Variants in SRPX observed in about 807,000 individuals in gnomAD.
SRPX encodes sushi repeat-containing protein SRPX.
SRPX carries 24 observed loss-of-function variants against 38.1 expected under a neutral mutation model. The ratio of observed to expected loss-of-function variants is 0.63; its 90% confidence interval spans 0.46 to 0.89. The LOEUF (loss-of-function observed/expected upper bound fraction) is 0.89. Among genes scored for constraint, SRPX ranks in the 40% least tolerant of loss-of-function variants. The pLI is 0.00. For missense variants in SRPX, 416 were observed against 377.8 expected, an observed-to-expected ratio of 1.10 and a Z score of -0.84; for synonymous variants, 184 against 153.8, an observed-to-expected ratio of 1.20 and a Z score of -1.45.
intron 1 of SRPX, among the ~76,000 whole-genome samples, chrX:38,188,383 C>T (rs1167096388): frequency 8.9e-6 from 1 of 112,202 alleles, no homozygotes; most frequent in African/African-American, 3.2e-5. Context: ...GCGATACCAA[C>T]CATCAACTAA....
chrX:38,220,818 G>C lies in SRPX; in HGVS notation c.-26C>G, dbSNP rs1449356915. 6 of 1,073,673 alleles carry C rather than the reference G, an allele frequency of 5.6e-6. No homozygotes were observed. Among genetic ancestry groups the C allele is most frequent in the African/African-American group, 3.9e-5 (2 of 50,869 alleles). The allele number at this position is 1,073,673 out of a possible 1,213,427, so 88.5% of individuals were successfully genotyped here. A position where few individuals can be genotyped will look rare whatever the true frequency, so the allele number is the denominator to read the frequency against. On this transcript the variant is annotated 5_prime_UTR_variant, in exon 1 of 10. Transcript: ENST00000378533. ...GGCGAGCGGGCGCTTAGCTCGCCTC[G>C]GCAGCGCAGCGCGCTTCCCGGGGGC...
intron 1 of SRPX, among the ~76,000 whole-genome samples, chrX:38,213,658 C>A (rs911743335): frequency 2.7e-5 from 3 of 111,709 alleles, no homozygotes; most frequent in Middle Eastern, 4.6e-3. Context: ...ATACTTGAGA[C>A]TGGGTAATTT....
intron 1 of SRPX, among the ~76,000 whole-genome samples, chrX:38,186,925 C>T (rs912411355): frequency 1.2e-4 from 13 of 111,444 alleles, no homozygotes; most frequent in Non-Finnish European, 2.3e-4. Context: ...TCTTGCTTCC[C>T]TTCCTCAATT....
intron 1 of SRPX, among the ~76,000 whole-genome samples, chrX:38,183,906 C>T (rs951463271): frequency 9.0e-6 from 1 of 111,451 alleles, no homozygotes. Context: ...TATAATTTTG[C>T]TCTCCTTGCA....
rs187120929 is a variant in SRPX, at chrX:38,158,706, C to T, written c.955+1311G>A. On this transcript the variant is annotated intron_variant, in intron 7 of 9. Transcript: ENST00000378533. ...ATTAAAAAAGTGTAAAGAGACCGGG[C>T]GCAGTGTCTCACATCTGTAATCCCA... Among the ~76,000 whole-genome samples, 91 of 111,660 alleles carry T rather than the reference C, an allele frequency of 8.1e-4. No homozygotes were observed. The East Asian group carries it at 0.021, about 26-fold the overall frequency.
At chrX:38,193,638 A>G (rs956809382) in intron 1 of SRPX, among the ~76,000 whole-genome samples, 1 of 112,330 alleles carries the variant, frequency 8.9e-6, no homozygotes, top group African/African-American at 3.2e-5. Flanking sequence ...TCATTGTAAA[A>G]TCTTGAACAA....
At position 38,160,027 on chromosome X, in the gene SRPX, G is replaced by A; in HGVS notation, c.945C>T (p.Pro315=). 1 of 1,210,394 alleles carries A rather than the reference G, an allele frequency of 8.3e-7. No individual in the cohort carries two copies. Among genetic ancestry groups the A allele is most frequent in the Non-Finnish European group, 1.1e-6 (1 of 894,716 alleles). Residue 315 remains proline, a synonymous_variant, in exon 7 of 10, where the codon CCC becomes CCT. Transcript: ENST00000378533. The part of the protein sequence containing the change: ...QSNLAWSGTE[P]TCAAMNVNVG... ...GGGCGGCATACCTACCTGCACAGGT[G>A]GGCTCCGTGCCAGACCAAGCCAGGT...
intron 5 of SRPX, 75 bp downstream of exon 5, chrX:38,164,694 A>G: frequency 9.0e-7 from 1 of 1,110,888 alleles, no homozygotes; most frequent in Admixed American, 2.4e-5. Context: ...CAGCATATAT[A>G]CACTCCCCTA....
chrX:38,194,161 A>G (rs890349377), intron 1 of SRPX, among the ~76,000 whole-genome samples: 4 of 111,696 alleles, frequency 3.6e-5, no homozygotes, highest in Non-Finnish European at 7.5e-5. Context: ...CTCAGTGTAA[A>G]GAGTGAAATA....
At chrX:38,173,684 A>G (rs1352091578) in intron 3 of SRPX, among the ~76,000 whole-genome samples, 2 of 111,568 alleles carry the variant, frequency 1.8e-5, no homozygotes, top group Non-Finnish European at 3.8e-5. Flanking sequence ...TCCTGAGCTC[A>G]GGCAACCCAC....
At chrX:38,208,648 A>G (rs1367341819) in intron 1 of SRPX, among the ~76,000 whole-genome samples, 1 of 110,596 alleles carries the variant, frequency 9.0e-6, no homozygotes, top group Non-Finnish European at 1.9e-5. Flanking sequence ...TTATGCCTCT[A>G]TTTGAATATT....
At chrX:38,182,919 C>G (rs1199424617) in intron 1 of SRPX, among the ~76,000 whole-genome samples, 10 of 112,100 alleles carry the variant, frequency 8.9e-5, no homozygotes, top group African/African-American at 3.2e-4. Flanking sequence ...CATCTTACCT[C>G]CACAATTCTT....
rs764809896 is a variant in SRPX at position 38,181,231 on chromosome X, G to C, written c.98-2887C>G. Among the ~76,000 whole-genome samples, 24 of 112,441 alleles carry C rather than the reference G, an allele frequency of 2.1e-4. No individual in the cohort carries two copies. The South Asian group carries it at 8.5e-3, about 40-fold the overall frequency. On this transcript the variant is annotated intron_variant, in intron 1 of 9. Coordinates refer to ENST00000378533, the MANE Select transcript of SRPX (RefSeq NM_006307.5). ...GATGTCAGAGCCCAAACAGGGCATA[G>C]AGGGAAAACAGGGGCAAAGAGAGAA...
intron 2 of SRPX, among the ~76,000 whole-genome samples, chrX:38,176,578 A>T (rs1938570155): frequency 9.0e-6 from 1 of 111,316 alleles, no homozygotes; most frequent in Non-Finnish European, 1.9e-5. Context: ...GGATCACCTG[A>T]GGTTAGGAGT....
At chrX:38,217,925 T>C (rs1485866165) in intron 1 of SRPX, among the ~76,000 whole-genome samples, 1 of 112,238 alleles carries the variant, frequency 8.9e-6, no homozygotes, top group African/African-American at 3.2e-5. Context: ...GAAAATGACC[T>C]GCTCTCCCCA....
intron 9 of SRPX, among the ~76,000 whole-genome samples, chrX:38,150,578 A>G (rs1000651767): frequency 1.8e-5 from 2 of 112,271 alleles, no homozygotes; most frequent in Non-Finnish European, 3.8e-5. Context: ...GTTCCCACAT[A>G]GCAATAGTGC....
At chrX:38,153,302 C>CTTTTTTTTTTTTTTTTTTT (rs58888978) in intron 9 of SRPX, among the ~76,000 whole-genome samples, 3 of 54,740 alleles carry the variant, frequency 5.5e-5, no homozygotes, top group Non-Finnish European at 6.4e-5. Flanking sequence ...TTCTTTCTTT[C>CTTTTTTTTTTTTTTTTTTT]TTTTTTTTTT....
At chrX:38,150,349 G>A (rs1937990086) in intron 9 of SRPX, among the ~76,000 whole-genome samples, 1 of 112,142 alleles carries the variant, frequency 8.9e-6, no homozygotes, top group Admixed American at 9.4e-5. Context: ...GCTGACTAGT[G>A]TTGCACGACC....
chrX:38,170,215 T>C (rs189099028), intron 4 of SRPX, among the ~76,000 whole-genome samples: 1 of 111,471 alleles, frequency 9.0e-6, no homozygotes, highest in African/African-American at 3.3e-5. Context: ...CTGGGACAAC[T>C]TTCTCACCAC....
Sources: gnomAD v4.1 joint callset for allele counts (sites outside exome capture counted in the v4.1 genomes callset) on GRCh38, gnomAD v4.1.1 for gene constraint, MANE v1.5 for transcripts, NCBI Gene and HGNC (gene_info 2026-07-23, HGNC 2026-07-21) for gene names.